SYNJ1: variants seen among roughly 807,000 people sequenced by gnomAD.
SYNJ1 encodes the protein synaptojanin 1.
In SYNJ1, 78 loss-of-function variants were observed where a neutral mutation model predicts 168.2. The ratio of observed to expected loss-of-function variants is 0.46; its 90% CI spans 0.39 to 0.56. The LOEUF (loss-of-function observed/expected upper bound fraction) is 0.56. Among genes scored for constraint, SYNJ1 ranks in the 20% least tolerant of loss-of-function variants. The pLI is 0.00. For missense variants in SYNJ1, 1,303 were observed against 1,597.6 expected, an observed-to-expected ratio of 0.82 and a Z score of 3.14; for synonymous variants, 539 against 548.6, an observed-to-expected ratio of 0.98 and a Z score of 0.24.
chr21:32,646,738 G>T lies in SYNJ1; in HGVS notation c.3038-136C>A, dbSNP rs892275114. ...GTCATTGCAAACACACATGGATTAA[G>T]CATGAAGGCATGTATAAAACCACAA... On this transcript the variant is annotated intron_variant, in intron 23 of 32. Transcript: ENST00000674351. 3.1e-5 allele frequency: 20 copies of T among 642,130 alleles called. No individual in the cohort carries two copies. The African/African-American group carries it at 3.5e-4, about 11-fold the overall frequency. 39.8% of individuals were successfully genotyped at this position (642,130 alleles called of 1,614,324 possible).
rs1601403500 is a variant in SYNJ1 at position 32,681,572 on chromosome 21, C to T, written c.1277G>A (p.Arg426Gln). ...QLVTRFQEVF[R>Q]SMWSVNGDSI... is the part of the protein sequence containing the mutation. Reference sequence around the variant, plus strand: ...ATCACCATTCACGGACCACATTGACCGAAAAACTTCTTGAAAGCGAGTCAC... The same window carrying T: ...ATCACCATTCACGGACCACATTGACTGAAAAACTTCTTGAAAGCGAGTCAC... The change falls in exon 11 of 33, where the codon CGG (arginine) becomes CAG (glutamine). Residue 426 changes from arginine to glutamine, a missense_variant. Coordinates refer to ENST00000674351, the MANE Select transcript of SYNJ1 (RefSeq NM_203446.3). 5.6e-6 allele frequency: 9 copies of T among 1,613,790 alleles called. No individual in the cohort carries two copies. The highest frequency in any genetic ancestry group is 3.3e-4 in the Middle Eastern group (2 of 6,058).
rs113637279 is a variant in SYNJ1 at position 32,648,201 on chromosome 21, T to C, written c.3038-1599A>G. 7.2e-5 allele frequency among the ~76,000 whole-genome samples: 11 copies of C among 152,288 alleles called. 1 individual carries two copies. Among genetic ancestry groups the C allele is most frequent in the African/African-American group, 2.6e-4 (11 of 41,546 alleles). The stretch of plus-strand genomic sequence containing the variant: ...CTCCTCTACTTTTCCATTAGCACTG[T>C]GCATTCTCAAGCCTGTCCCATCCAA... On this transcript the variant is annotated intron_variant, in intron 23 of 32. Coordinates refer to ENST00000674351, the MANE Select transcript of SYNJ1 (RefSeq NM_203446.3).
At chr21:32,645,587 A>T in intron 25 of SYNJ1, 59 bp downstream of exon 25, 1 of 1,455,778 alleles carries the variant, frequency 6.9e-7, no homozygotes, top group Non-Finnish European at 9.0e-7. Context: ...CATGCAAAAC[A>T]TTTTAAAATA....
chr21:32,705,057 G>A (rs890653064), intron 2 of SYNJ1, among the ~76,000 whole-genome samples: 1 of 151,572 alleles, frequency 6.6e-6, no homozygotes, highest in Non-Finnish European at 1.5e-5. Flanking sequence ...GTTGAGGCAG[G>A]AGAATCACTT....
Position 32,709,348 on chromosome 21 carries a change from A to C in SYNJ1, c.125-7301T>G, listed in dbSNP as rs375601538. 5.8e-3 allele frequency among the ~76,000 whole-genome samples: 879 copies of C among 152,088 alleles called. 9 individuals carry two copies. Among genetic ancestry groups the C allele is most frequent in the Non-Finnish European group, 8.0e-3 (543 of 67,990 alleles). On this transcript the variant is annotated intron_variant, in intron 2 of 32. Coordinates refer to ENST00000674351, the MANE Select transcript of SYNJ1 (RefSeq NM_203446.3). ...AAAAATTAGCAGGGCGTGGTGGCGC[A>C]CAACTGTAGTCCCAGCTAGTCAGGA...
chr21:32,714,522 G>A (rs1264696654), intron 2 of SYNJ1, among the ~76,000 whole-genome samples: 1 of 152,182 alleles, frequency 6.6e-6, no homozygotes, highest in Non-Finnish European at 1.5e-5. Flanking sequence ...GAAATTAAGA[G>A]GAGGAATTGA....
chr21:32,662,741 A>G (rs905186444), intron 18 of SYNJ1, among the ~76,000 whole-genome samples: 3 of 152,192 alleles, frequency 2.0e-5, no homozygotes, highest in Non-Finnish European at 2.9e-5. Flanking sequence ...GTGGAAATCA[A>G]TGTGGATACT....
rs1277159584 is a variant in SYNJ1 at position 32,639,709 on chromosome 21, G to A, written c.3659C>T (p.Thr1220Ile). 1.2e-6 allele frequency: 2 copies of A among 1,614,006 alleles called. No individual in the cohort carries two copies. The highest frequency in any genetic ancestry group is 1.3e-5 in the African/African-American group (1 of 74,894). The change falls in exon 30 of 33, where the codon ACT becomes ATT. Residue 1220 changes from threonine (T) to isoleucine (I), a missense_variant. This residue lies in a region of SYNJ1 where 383 missense variants were observed against 388.8 expected (regional missense o/e 0.99). Coordinates refer to ENST00000674351, the MANE Select transcript of SYNJ1 (RefSeq NM_203446.3). Reference protein sequence around the residue: ...SHARASAGRLTPESQSKTSET... With the variant: ...SHARASAGRLIPESQSKTSET... The stretch of plus-strand genomic sequence containing the variant: ...TGATGTTTTGCTTTGGCTTTCAGGA[G>A]TCAGTCTTCCAGCAGATGCCCGCGC...
chr21:32,654,430 T>C (rs1030597316), intron 21 of SYNJ1, among the ~76,000 whole-genome samples: 1 of 152,156 alleles, frequency 6.6e-6, no homozygotes, highest in Non-Finnish European at 1.5e-5. Context: ...AGGGAGACCA[T>C]TCTTACCTAA....
Position 32,666,206 on chromosome 21 carries a change from TATAC to T in SYNJ1, c.1953-75_1953-72del, listed in dbSNP as rs1055852865. 136 of 1,507,482 alleles carry T rather than the reference TATAC, an allele frequency of 9.0e-5. No individual in the cohort carries two copies. The Middle Eastern group carries it at 2.5e-3, about 28-fold the overall frequency. 93.4% of individuals were successfully genotyped at this position (1,507,482 alleles called of 1,614,324 possible). A position where few individuals can be genotyped will look rare whatever the true frequency, so the allele number is the denominator to read the frequency against. ...TTCCATGTGCATAGGAAATGAGGAA[TATAC>T]ATAATCATTTAAGTACACATGGTAT... is the stretch of plus-strand genomic sequence containing the variant. On this transcript the variant is annotated intron_variant, in intron 16 of 32. Transcript: ENST00000674351.
chr21:32,698,898 G>A (rs2146205340), intron 4 of SYNJ1, among the ~76,000 whole-genome samples: 2 of 152,246 alleles, frequency 1.3e-5, no homozygotes. Flanking sequence ...TCAAAACCAA[G>A]AATAGGAAAC....
intron 18 of SYNJ1, among the ~76,000 whole-genome samples, chr21:32,662,237 G>T (rs936412426): frequency 1.2e-4 from 18 of 152,156 alleles, no homozygotes; most frequent in African/African-American, 3.6e-4. Context: ...GGCATGAGGA[G>T]AATCATCGTG....
chr21:32,680,007 C>A (rs1439648316), intron 11 of SYNJ1, among the ~76,000 whole-genome samples: 1 of 151,772 alleles, frequency 6.6e-6, no homozygotes, highest in African/African-American at 2.4e-5. Context: ...GTAGTCACTG[C>A]AGAAATGAAA....
At chr21:32,670,913 T>C in intron 14 of SYNJ1, 1 of 692,282 alleles carries the variant, frequency 1.4e-6, no homozygotes, top group Non-Finnish European at 1.8e-6. Flanking sequence ...GCTGGCACTC[T>C]GGAAACTACA....
intron 23 of SYNJ1, 104 bp downstream of exon 23, chr21:32,650,080 C>A: frequency 7.3e-7 from 1 of 1,368,306 alleles, no homozygotes; most frequent in South Asian, 1.5e-5. Flanking sequence ...GTGCTATGTA[C>A]GTCCCAAGAA....
chr21:32,705,438 T>C (rs978343294), intron 2 of SYNJ1, among the ~76,000 whole-genome samples: 4 of 152,092 alleles, frequency 2.6e-5, no homozygotes, highest in African/African-American at 9.7e-5. Context: ...GCCTAAAACA[T>C]AGTATTGTGC....
intron 16 of SYNJ1, 94 bp from the exon 17 acceptor site, chr21:32,666,229 A>G (rs1384988665): frequency 1.4e-6 from 2 of 1,452,978 alleles, no homozygotes; most frequent in Non-Finnish European, 9.3e-7. Flanking sequence ...TTAAGTACAC[A>G]TGGTATGGTA....
intron 2 of SYNJ1, among the ~76,000 whole-genome samples, chr21:32,722,200 AAAAAAATATAT>A (rs983148335): frequency 1.5e-4 from 17 of 114,396 alleles, no homozygotes; most frequent in African/African-American, 5.8e-4. Flanking sequence ...AAAAAAAAAA[AAAAAAATATAT>A]ATATATATAT....
chr21:32,656,666 T>G, intron 21 of SYNJ1, 21 bp downstream of exon 21: 1 of 1,587,818 alleles, frequency 6.3e-7, no homozygotes, highest in Non-Finnish European at 8.6e-7. Context: ...ACAAGCTACT[T>G]TTGCATAATA....
Sources: allele counts gnomAD v4.1 joint callset (sites outside exome capture counted in the v4.1 genomes callset), GRCh38; gene constraint gnomAD v4.1.1; regional missense constraint gnomAD v4.1.1; transcripts MANE v1.5; gene names NCBI Gene and HGNC (gene_info 2026-07-23, HGNC 2026-07-21).